The following SHISA5 variants were observed in gnomAD, a reference collection of about 807,000 sequenced individuals.
SHISA5 encodes the protein shisa family member 5.
Under a neutral mutation model 27.5 loss-of-function variants are expected in SHISA5, and 21 were observed. That is an observed-to-expected ratio of 0.76 (90% CI 0.54 to 1.10). The LOEUF (loss-of-function observed/expected upper bound fraction) is 1.10, where lower values mean the gene tolerates loss of function less well. Among genes scored for constraint, SHISA5 ranks in the 50% least tolerant of loss-of-function variants. SHISA5 has a pLI of 0.00. For missense variants in SHISA5, 314 were observed against 336.3 expected, an observed-to-expected ratio of 0.93 and a Z score of 0.52; for synonymous variants, 137 against 142.2, an observed-to-expected ratio of 0.96 and a Z score of 0.26.
intron 2 of SHISA5, among the ~76,000 whole-genome samples, chr3:48,493,966 T>C (rs1296302558): frequency 6.8e-6 from 1 of 147,732 alleles, no homozygotes; most frequent in African/African-American, 2.7e-5. Context: ...CCTTTTTTTG[T>C]GGTGAGAACA....
intron 1 of SHISA5, chr3:48,502,463 C>G (rs2041785389): frequency 4.4e-6 from 2 of 452,662 alleles, no homozygotes; most frequent in Non-Finnish European, 8.9e-6. Context: ...CTGGAGCCAT[C>G]ACAAGACTCT....
chr3:48,486,691 G>A lies in SHISA5; in HGVS notation c.234-7434C>T, dbSNP rs185165996. Among the ~76,000 whole-genome samples, 851 of 143,014 alleles carry A rather than the reference G, an allele frequency of 6.0e-3. 31 individuals carry two copies. Among genetic ancestry groups the A allele is most frequent in the Admixed American group, 0.057 (758 of 13,250 alleles). 93.8% of individuals were successfully genotyped at this position (143,014 alleles called of 152,430 possible). ...GTGGATCACCTGAGGTCAGGAGTTT[G>A]AGACCAGCTTGATCAACATGGTGAA... On this transcript the variant is annotated intron_variant, in intron 2 of 5. Coordinates refer to ENST00000296444, the MANE Select transcript of SHISA5 (RefSeq NM_016479.6).
At chr3:48,491,534 G>C (rs2041426600) in intron 2 of SHISA5, among the ~76,000 whole-genome samples, 1 of 152,126 alleles carries the variant, frequency 6.6e-6, no homozygotes, top group Non-Finnish European at 1.5e-5. Context: ...CCTGAGGGCT[G>C]TTTCACGGGC....
chr3:48,469,908 C>T lies in SHISA5; in HGVS notation c.315-65G>A. The T allele has an allele frequency of 6.4e-7, 1 of 1,561,292 alleles. No individual in the cohort carries two copies. The highest frequency in any genetic ancestry group is 8.7e-7 in the Non-Finnish European group (1 of 1,151,176). Reference sequence around the variant, plus strand: ...TCCCCAGACCAGCATCCACACCTTCCCAAGGCATGCCCCTCTTGCCAGAAG... The same window carrying T: ...TCCCCAGACCAGCATCCACACCTTCTCAAGGCATGCCCCTCTTGCCAGAAG... On this transcript the variant is annotated intron_variant, in intron 3 of 5. Coordinates refer to ENST00000296444, the MANE Select transcript of SHISA5 (RefSeq NM_016479.6). The surrounding 1 kb of genome is among the most constrained non-coding windows in gnomAD (Gnocchi z 4.6).
chr3:48,471,582 A>G (rs1575303298), intron 3 of SHISA5, among the ~76,000 whole-genome samples: 1 of 131,450 alleles, frequency 7.6e-6, no homozygotes, highest in Admixed American at 8.1e-5. Flanking sequence ...AAAAAAAGTC[A>G]GCCTTACATT....
chr3:48,469,744 C>T lies in SHISA5; in HGVS notation c.414G>A (p.Thr138=), dbSNP rs761053350. 19 of 1,614,064 alleles carry T rather than the reference C, an allele frequency of 1.2e-5. No individual in the cohort carries two copies. Among genetic ancestry groups the T allele is most frequent in the South Asian group, 7.7e-5 (7 of 91,092 alleles). ...CACGCTTACGACGTGGTCGGCGGCACGTCTTGTAAAGGCAGCAGCAGGAGC... is the reference window on the plus strand; with the variant it reads ...CACGCTTACGACGTGGTCGGCGGCATGTCTTGTAAAGGCAGCAGCAGGAGC... The part of the protein sequence containing the change: ...FTCSCCCLYK[T]CRRPRPVVTT... Residue 138 remains threonine (T), a synonymous_variant, in exon 4 of 6, where the codon ACG becomes ACA. Transcript: ENST00000296444. The surrounding 1 kb of genome is among the most constrained non-coding windows in gnomAD (Gnocchi z 4.6).
chr3:48,479,232 C>T lies in SHISA5; in HGVS notation c.259G>A (p.Glu87Lys). 1 of 1,607,786 alleles carries T rather than the reference C, an allele frequency of 6.2e-7. No individual in the cohort carries two copies. The highest frequency in any genetic ancestry group is 8.5e-7 in the Non-Finnish European group (1 of 1,178,386). The change falls in exon 3 of 6, where the codon GAG (glutamate) becomes AAG (lysine). Residue 87 changes from glutamate (E) to lysine (K), a missense_variant. Glu to Lys is a moderately conservative substitution (Grantham distance 56). Coordinates refer to ENST00000296444, the MANE Select transcript of SHISA5 (RefSeq NM_016479.6). Reference protein sequence around the residue: ...ASVPASVEPVEQLGSALRFRP... With the variant: ...ASVPASVEPVKQLGSALRFRP... ...AACCTCAGCGCCGAGCCCAGCTGCT[C>T]CACCGGCTCTACACTGGCAGGCACG...
At chr3:48,501,393 A>T (rs1040200591) in intron 1 of SHISA5, 100 bp from the exon 2 acceptor site, 17 of 1,313,566 alleles carry the variant, frequency 1.3e-5, no homozygotes, top group Admixed American at 2.0e-5. Flanking sequence ...ACACACACAC[A>T]CATGCTGCAC....
chr3:48,503,037 C>A (rs2041801683), intron 1 of SHISA5: 1 of 1,183,792 alleles, frequency 8.4e-7, no homozygotes, highest in Non-Finnish European at 1.1e-6. Context: ...CTGCTCTGGG[C>A]AAAGCCATGG....
chr3:48,486,357 A>ATAATG (rs2041230619), intron 2 of SHISA5, among the ~76,000 whole-genome samples: 33 of 91,760 alleles, frequency 3.6e-4, no homozygotes, highest in African/African-American at 1.5e-3. Context: ...AATGTATTAT[A>ATAATG]TATTATATAT....
chr3:48,492,339 G>A (rs2041460975), intron 2 of SHISA5, among the ~76,000 whole-genome samples: 1 of 150,914 alleles, frequency 6.6e-6, no homozygotes, highest in Admixed American at 6.6e-5. Flanking sequence ...GCGCGGTGGC[G>A]GGCGCCTGTA....
intron 3 of SHISA5, among the ~76,000 whole-genome samples, chr3:48,474,361 A>G (rs1210088233): frequency 2.0e-5 from 3 of 146,364 alleles, no homozygotes; most frequent in African/African-American, 7.6e-5. Context: ...TTTGAGACAG[A>G]GTCTTTCTCT....
At position 48,468,818 on chromosome 3, in the gene SHISA5, C is replaced by T. The variant is rs755582966; in HGVS notation, c.*289G>A. 1.4e-6 allele frequency: 2 copies of T among 1,464,484 alleles called. No homozygotes were observed. The highest frequency in any genetic ancestry group is 1.2e-5 in the South Asian group (1 of 83,088). The allele number at this position is 1,464,484 out of a possible 1,614,324, so 90.7% of individuals were successfully genotyped here. ...CTCTCAGGGGCCACCTCACAGGGTG[C>T]CCCCCACCACCCCATTCTTTGAGTT... On this transcript the variant is annotated 3_prime_UTR_variant, in exon 6 of 6. Transcript: ENST00000296444.
chr3:48,500,769 CA>C (rs2041729727), intron 2 of SHISA5, among the ~76,000 whole-genome samples: 1 of 152,202 alleles, frequency 6.6e-6, no homozygotes. Flanking sequence ...GGATACCCCT[CA>C]GGGGCATGCG....
chr3:48,495,784 G>C (rs1194020283), intron 2 of SHISA5, among the ~76,000 whole-genome samples: 3 of 147,350 alleles, frequency 2.0e-5, no homozygotes, highest in African/African-American at 8.1e-5. Flanking sequence ...GCCTTCCAAA[G>C]TGTTGGGATT....
intron 2 of SHISA5, among the ~76,000 whole-genome samples, chr3:48,483,105 T>A (rs981279384): frequency 1.3e-4 from 19 of 151,656 alleles, no homozygotes; most frequent in African/African-American, 1.9e-4. Context: ...TTTTTTTTTT[T>A]TTATTGATCA....
At chr3:48,479,967 G>A (rs1455659949) in intron 2 of SHISA5, among the ~76,000 whole-genome samples, 1 of 149,786 alleles carries the variant, frequency 6.7e-6, no homozygotes, top group African/African-American at 2.5e-5. Flanking sequence ...GCGGTGGCGC[G>A]ATCTCGGCTC....
chr3:48,481,457 A>G (rs532609005), intron 2 of SHISA5, among the ~76,000 whole-genome samples: 5 of 151,454 alleles, frequency 3.3e-5, no homozygotes, highest in Non-Finnish European at 5.9e-5. Flanking sequence ...AAAATAAAAT[A>G]AAATAAAATA....
At chr3:48,485,506 AATATATATTTTTAT>A (rs2041175105) in intron 2 of SHISA5, among the ~76,000 whole-genome samples, 1 of 141,992 alleles carries the variant, frequency 7.0e-6, no homozygotes, top group Admixed American at 7.1e-5. Context: ...CATCTCAAAA[AATATATATTTTTAT>A]ATATATATTA....
Sources: allele counts gnomAD v4.1 joint callset (sites outside exome capture counted in the v4.1 genomes callset), GRCh38; gene constraint gnomAD v4.1.1; non-coding constraint Gnocchi (gnomAD v3.1); transcripts MANE v1.5; gene names NCBI Gene and HGNC (gene_info 2026-07-23, HGNC 2026-07-21).